SEMA6D: variants seen among roughly 807,000 people sequenced by gnomAD.
The protein encoded by SEMA6D is semaphorin-6D.
In SEMA6D, 35 loss-of-function variants were observed where a neutral mutation model predicts 106.6. The observed-to-expected ratio is 0.33, with a 90% CI of 0.25 to 0.44. The LOEUF (loss-of-function observed/expected upper bound fraction) is 0.44, where lower values mean the gene tolerates loss of function less well. Ranked by LOEUF, SEMA6D falls within the 20% of genes least tolerant of loss-of-function variation. The pLI, the probability that SEMA6D is intolerant of heterozygous loss-of-function variation, is 1.00. For synonymous variants in SEMA6D, 499 were observed against 487.7 expected, an observed-to-expected ratio of 1.02 and a Z score of -0.31; for missense variants, 1,185 against 1,345.9, an observed-to-expected ratio of 0.88 and a Z score of 1.87.
In SEMA6D at chr15:47,428,453, C is replaced by T. The variant is rs549448900; in HGVS notation, c.-159+15981C>T. 5.6e-4 allele frequency among the ~76,000 whole-genome samples: 19 copies of T among 34,110 alleles called. 7 individuals carry two copies. The East Asian group carries it at 0.012, about 22-fold the overall frequency. The allele number at this position is 34,110 out of a possible 152,430, so 22.4% of individuals were successfully genotyped here. On this transcript the variant is annotated intron_variant, in intron 2 of 19. Transcript: ENST00000558014. ...ATGGAGAGGTAAAAAAGTATTTAGGCGCAGATCTACCCTTAAAAGTGGGTA... is the reference window on the plus strand; with the variant it reads ...ATGGAGAGGTAAAAAAGTATTTAGGTGCAGATCTACCCTTAAAAGTGGGTA...
chr15:47,393,293 C>T (rs2040102615), intron 1 of SEMA6D: 1 of 152,164 alleles, frequency 6.6e-6, no homozygotes, highest in South Asian at 2.1e-4. Context: ...CACGATATTA[C>T]CCTAGGAGAT....
At chr15:47,593,405 CAAAAAAAAA>C (rs35561269) in intron 3 of SEMA6D, among the ~76,000 whole-genome samples, 2 of 59,930 alleles carry the variant, frequency 3.3e-5, no homozygotes, top group Non-Finnish European at 5.9e-5. Context: ...AACTCCGTCT[CAAAAAAAAA>C]AAAAAAAAAA....
At chr15:47,704,776 C>A (rs1336527847) in intron 4 of SEMA6D, among the ~76,000 whole-genome samples, 1 of 152,110 alleles carries the variant, frequency 6.6e-6, no homozygotes, top group Non-Finnish European at 1.5e-5. Context: ...CGGTAAATAA[C>A]AGTAGCAATT....
intron 1 of SEMA6D, among the ~76,000 whole-genome samples, chr15:47,382,702 G>A (rs975884532): frequency 6.6e-6 from 1 of 152,338 alleles, no homozygotes; most frequent in African/African-American, 2.4e-5. Flanking sequence ...TGAAACAAGA[G>A]AAAAGCATGG....
chr15:47,364,119 G>A (rs914278455), intron 1 of SEMA6D, among the ~76,000 whole-genome samples: 1 of 152,186 alleles, frequency 6.6e-6, no homozygotes, highest in African/African-American at 2.4e-5. Flanking sequence ...TTAAGACATT[G>A]ACTTTTGGGT....
intron 1 of SEMA6D, among the ~76,000 whole-genome samples, chr15:47,243,426 G>GA (rs562459263): frequency 0.3 from 43,132 of 144,522 alleles, 6,438 homozygotes; most frequent in Middle Eastern, 0.45. Context: ...TGCAGAAATT[G>GA]AAAAAAAAAA....
At chr15:47,399,154 T>G (rs191589522) in intron 1 of SEMA6D, among the ~76,000 whole-genome samples, 73 of 152,324 alleles carry the variant, frequency 4.8e-4, no homozygotes, top group Non-Finnish European at 7.3e-4. Context: ...TCAGTTTTTA[T>G]TATTTCCCAT....
chr15:47,705,345 C>T (rs766563199), intron 4 of SEMA6D, among the ~76,000 whole-genome samples: 9 of 152,162 alleles, frequency 5.9e-5, no homozygotes, highest in Non-Finnish European at 1.2e-4. Context: ...CTTTATAAAA[C>T]TTACACGATG....
At chr15:47,403,455 A>G (rs2146037907) in intron 1 of SEMA6D, among the ~76,000 whole-genome samples, 1 of 152,342 alleles carries the variant, frequency 6.6e-6, no homozygotes, top group South Asian at 2.1e-4. Context: ...ATAAAAATTT[A>G]GTGAGCATCT....
intron 1 of SEMA6D, among the ~76,000 whole-genome samples, chr15:47,202,802 G>C (rs1302475180): frequency 4.6e-5 from 7 of 152,204 alleles, no homozygotes; most frequent in African/African-American, 1.7e-4. Context: ...AATTGAGGTT[G>C]CTTCAGACCC....
At chr15:47,643,991 T>G (rs1037243334) in intron 4 of SEMA6D, among the ~76,000 whole-genome samples, 20 of 152,312 alleles carry the variant, frequency 1.3e-4, no homozygotes, top group Admixed American at 1.0e-3. Context: ...CTCCCACATA[T>G]GAGTGAGAAC....
intron 4 of SEMA6D, among the ~76,000 whole-genome samples, chr15:47,613,668 C>T (rs12438861): frequency 0.32 from 49,117 of 151,380 alleles, 8,261 homozygotes; most frequent in East Asian, 0.5. Flanking sequence ...TTTTTTGAGA[C>T]GGAGTCTCAC....
At chr15:47,283,640 C>T (rs916108326) in intron 1 of SEMA6D, among the ~76,000 whole-genome samples, 16 of 152,164 alleles carry the variant, frequency 1.1e-4, no homozygotes, top group African/African-American at 2.4e-4. Flanking sequence ...GGCTGAGGCT[C>T]GGGTTGTTGC....
At chr15:47,223,899 G>A (rs1441031083) in intron 1 of SEMA6D, among the ~76,000 whole-genome samples, 1 of 151,962 alleles carries the variant, frequency 6.6e-6, no homozygotes, top group Admixed American at 6.6e-5. Flanking sequence ...ATTATAATTT[G>A]TGAATCTTAG....
intron 3 of SEMA6D, among the ~76,000 whole-genome samples, chr15:47,475,077 G>A (rs1435001188): frequency 6.6e-6 from 1 of 152,156 alleles, no homozygotes; most frequent in African/African-American, 2.4e-5. Flanking sequence ...TTAAGTCACT[G>A]ATATTTAGGT....
intron 1 of SEMA6D, among the ~76,000 whole-genome samples, chr15:47,739,925 C>T (rs1409695147): frequency 2.0e-5 from 3 of 152,114 alleles, no homozygotes; most frequent in East Asian, 1.9e-4. Flanking sequence ...TTAAGTTTTC[C>T]GTATATTAAG....
intron 3 of SEMA6D, among the ~76,000 whole-genome samples, chr15:47,488,519 T>C (rs1323551001): frequency 1.3e-5 from 2 of 152,150 alleles, no homozygotes; most frequent in Non-Finnish European, 2.9e-5. Context: ...TAGTATGTAC[T>C]ATGAGATATT....
chr15:47,194,172 T>G (rs1207679217), intron 1 of SEMA6D, among the ~76,000 whole-genome samples: 1 of 152,002 alleles, frequency 6.6e-6, no homozygotes, highest in Non-Finnish European at 1.5e-5. Context: ...TTCTTACTAT[T>G]AAGATCATGG....
chr15:47,674,853 C>A (rs542483576), intron 4 of SEMA6D, among the ~76,000 whole-genome samples: 1 of 152,132 alleles, frequency 6.6e-6, no homozygotes, highest in Non-Finnish European at 1.5e-5. Context: ...GGATTCACTG[C>A]GCATCCGAAT....
Sources: allele counts gnomAD v4.1 joint callset (sites outside exome capture counted in the v4.1 genomes callset), GRCh38; gene constraint gnomAD v4.1.1; transcripts MANE v1.5; gene names NCBI Gene and HGNC (gene_info 2026-07-23, HGNC 2026-07-21).